The following MICU1 variants were observed in gnomAD, a reference collection of about 807,000 sequenced individuals.
MICU1 encodes the protein mitochondrial calcium uptake 1.
MICU1 carries 45 observed loss-of-function variants against 56.8 expected under a neutral mutation model. That is an observed-to-expected ratio of 0.79 (90% CI 0.62 to 1.02). The LOEUF (loss-of-function observed/expected upper bound fraction) is 1.02, where lower values mean the gene tolerates loss of function less well. Ranked by LOEUF, MICU1 falls within the 50% of genes least tolerant of loss-of-function variation. The pLI is 0.00. For synonymous variants in MICU1, 186 were observed against 195.1 expected (o/e 0.95, Z 0.39); for missense variants, 504 against 587.1 (o/e 0.86, Z 1.46).
chr10:72,528,468 A>G (rs1220045011), intron 5 of MICU1, among the ~76,000 whole-genome samples: 1 of 152,210 alleles, frequency 6.6e-6, no homozygotes, highest in East Asian at 1.9e-4. Context: ...TTAATTAACC[A>G]AGAATTTCCA....
At chr10:72,533,916 A>G in intron 4 of MICU1, 127 bp from the exon 5 acceptor site, 2 of 624,384 alleles carry the variant, frequency 3.2e-6, no homozygotes, top group South Asian at 4.4e-5. Context: ...CAAAGGCCAC[A>G]GGAATGAATA....
At chr10:72,413,841 T>C (rs1025392609) in intron 9 of MICU1, among the ~76,000 whole-genome samples, 1 of 152,130 alleles carries the variant, frequency 6.6e-6, no homozygotes, top group Non-Finnish European at 1.5e-5. Flanking sequence ...GAATAGACAG[T>C]TTACCAAACA....
At chr10:72,574,258 G>A (rs1281919617) in intron 1 of MICU1, among the ~76,000 whole-genome samples, 2 of 152,188 alleles carry the variant, frequency 1.3e-5, no homozygotes, top group African/African-American at 4.8e-5. Flanking sequence ...GCCGGGCGTG[G>A]TGGCTCACGC....
intron 5 of MICU1, among the ~76,000 whole-genome samples, chr10:72,517,125 T>C (rs1564914259): frequency 6.6e-6 from 1 of 152,110 alleles, no homozygotes; most frequent in Non-Finnish European, 1.5e-5. Flanking sequence ...AGGAAGAACA[T>C]CAAATAAATA....
chr10:72,563,298 T>C (rs141659393), intron 2 of MICU1, among the ~76,000 whole-genome samples: 4 of 152,270 alleles, frequency 2.6e-5, no homozygotes, highest in Non-Finnish European at 4.4e-5. Context: ...AGCAGCACTA[T>C]GCACAATAGC....
At chr10:72,403,999 T>TC (rs1863548796) in intron 10 of MICU1, among the ~76,000 whole-genome samples, 1 of 109,028 alleles carries the variant, frequency 9.2e-6, no homozygotes, top group African/African-American at 2.6e-5. Flanking sequence ...TTTGTTTGTT[T>TC]GTTTTTTGGA....
intron 1 of MICU1, among the ~76,000 whole-genome samples, chr10:72,606,329 C>T (rs1415214016): frequency 2.6e-5 from 4 of 151,538 alleles, no homozygotes; most frequent in African/African-American, 9.7e-5. Context: ...CCGGCCAACA[C>T]AGTGAAACCC....
At chr10:72,481,515 G>A (rs767694786) in intron 6 of MICU1, among the ~76,000 whole-genome samples, 2 of 152,110 alleles carry the variant, frequency 1.3e-5, no homozygotes, top group Admixed American at 6.6e-5. Flanking sequence ...AGGTTTAAGT[G>A]ATTCTCGTGC....
intron 1 of MICU1, among the ~76,000 whole-genome samples, chr10:72,569,700 C>T (rs182452635): frequency 3.9e-4 from 59 of 152,106 alleles, no homozygotes; most frequent in Non-Finnish European, 7.9e-4. Context: ...TGAGACACCC[C>T]CAAAACCATA....
chr10:72,452,306 C>A (rs574597802), intron 8 of MICU1, among the ~76,000 whole-genome samples: 2 of 152,262 alleles, frequency 1.3e-5, no homozygotes, highest in East Asian at 3.9e-4. Context: ...CCTTGCCATA[C>A]CAGAGAAGAC....
intron 1 of MICU1, among the ~76,000 whole-genome samples, chr10:72,604,328 C>A (rs1841629371): frequency 7.9e-6 from 1 of 126,052 alleles, no homozygotes; most frequent in Non-Finnish European, 1.8e-5. Flanking sequence ...GGCTGCAGCG[C>A]AATGTTGTGA....
chr10:72,541,109 TC>T (rs1333067190), intron 4 of MICU1, among the ~76,000 whole-genome samples: 2 of 152,242 alleles, frequency 1.3e-5, no homozygotes, highest in Non-Finnish European at 2.9e-5. Context: ...GCTGACTCCA[TC>T]TTGCTTCTAG....
chr10:72,597,378 G>A (rs1841408661), intron 1 of MICU1, among the ~76,000 whole-genome samples: 1 of 152,150 alleles, frequency 6.6e-6, no homozygotes, highest in Non-Finnish European at 1.5e-5. Context: ...AATGGCTACT[G>A]ACATCTTGTA....
At chr10:72,495,140 C>T (rs960940454) in intron 6 of MICU1, among the ~76,000 whole-genome samples, 6 of 151,586 alleles carry the variant, frequency 4.0e-5, no homozygotes, top group Non-Finnish European at 7.4e-5. Context: ...TGCTTTTCTA[C>T]TTTAGGAATA....
intron 10 of MICU1, among the ~76,000 whole-genome samples, chr10:72,378,778 G>A (rs987718248): frequency 1.3e-5 from 2 of 152,160 alleles, no homozygotes; most frequent in Admixed American, 6.6e-5. Flanking sequence ...TGACCCGGAT[G>A]GAGTCACTTG....
intron 1 of MICU1, among the ~76,000 whole-genome samples, chr10:72,617,672 A>G (rs965551047): frequency 6.6e-6 from 1 of 152,126 alleles, no homozygotes; most frequent in Non-Finnish European, 1.5e-5. Flanking sequence ...TCTCTACAAA[A>G]AAGTTAAAAA....
chr10:72,445,856 A>G (rs1865088449), intron 8 of MICU1, among the ~76,000 whole-genome samples: 1 of 152,244 alleles, frequency 6.6e-6, no homozygotes, highest in Admixed American at 6.5e-5. Flanking sequence ...AAAGTTAGAT[A>G]ATAGATGTGA....
chr10:72,501,044 T>C (rs566013261), intron 6 of MICU1, among the ~76,000 whole-genome samples: 40 of 151,702 alleles, frequency 2.6e-4, no homozygotes, highest in African/African-American at 9.2e-4. Flanking sequence ...TTGGAAATTA[T>C]TTAATAATAA....
chr10:72,379,161 C>T (rs1296211584), intron 10 of MICU1, among the ~76,000 whole-genome samples: 1 of 152,104 alleles, frequency 6.6e-6, no homozygotes, highest in African/African-American at 2.4e-5. Context: ...GAAATCAGGC[C>T]AATTTGCAAT....
Sources: allele counts gnomAD v4.1 joint callset (sites outside exome capture counted in the v4.1 genomes callset), GRCh38; gene constraint gnomAD v4.1.1; transcripts MANE v1.5; gene names NCBI Gene and HGNC (gene_info 2026-07-23, HGNC 2026-07-21).